BCL11B: variants seen among roughly 807,000 people sequenced by gnomAD.
The protein encoded by BCL11B is B-cell lymphoma/leukemia 11B.
BCL11B carries 8 observed loss-of-function variants against 49.9 expected under a neutral mutation model. The ratio of observed to expected loss-of-function variants is 0.16; its 90% CI spans 0.09 to 0.29. BCL11B has a LOEUF of 0.29. BCL11B is among the 10% of genes least tolerant of loss of function. The pLI is 1.00. For synonymous variants in BCL11B, 739 were observed against 637.4 expected (o/e 1.16, Z -2.40); for missense variants, 1,006 against 1,351.0 (o/e 0.74, Z 4.00).
chr14:99,249,981 G>A (rs1275526762), intron 2 of BCL11B, among the ~76,000 whole-genome samples: 5 of 150,696 alleles, frequency 3.3e-5, no homozygotes, highest in Non-Finnish European at 7.4e-5. Flanking sequence ...ACAAAAATTA[G>A]CCAGGCAGGC....
chr14:99,180,252 CA>C (rs1481257405), intron 3 of BCL11B, among the ~76,000 whole-genome samples: 1 of 152,242 alleles, frequency 6.6e-6, no homozygotes, highest in African/African-American at 2.4e-5. Context: ...ATTTACCCAG[CA>C]ACATCAAACC....
chr14:99,268,356 T>C (rs1191629568), intron 1 of BCL11B, among the ~76,000 whole-genome samples: 2 of 152,108 alleles, frequency 1.3e-5, no homozygotes, highest in Admixed American at 6.5e-5. Context: ...CATCAGTTAT[T>C]TGCAGTTGCA....
intron 3 of BCL11B, among the ~76,000 whole-genome samples, chr14:99,227,780 G>A (rs2139881175): frequency 6.6e-6 from 1 of 152,170 alleles, no homozygotes; most frequent in East Asian, 1.9e-4. Flanking sequence ...ACAGTCTGAG[G>A]CTCTTGACCC....
rs58588797 is a variant in BCL11B, at chr14:99,187,104, T to G, written c.641-10909A>C. Among the ~76,000 whole-genome samples, 598 of 152,302 alleles carry G rather than the reference T, an allele frequency of 3.9e-3. 7 individuals carry two copies. Among genetic ancestry groups the G allele is most frequent in the African/African-American group, 0.014 (575 of 41,560 alleles). ...GCACCCGAGATTTCCCAAAACAGTC[T>G]GTGTTTCAACCGTTCAATTCTTTGG... On this transcript the variant is annotated intron_variant, in intron 3 of 3. Transcript: ENST00000357195.
intron 3 of BCL11B, among the ~76,000 whole-genome samples, chr14:99,199,655 T>C (rs1014680640): frequency 2.4e-5 from 2 of 82,624 alleles, no homozygotes; most frequent in African/African-American, 1.0e-4. Context: ...TGTGTGTGTG[T>C]GTGTGTGTGT....
At chr14:99,222,708 C>A (rs913389208) in intron 3 of BCL11B, among the ~76,000 whole-genome samples, 3 of 152,160 alleles carry the variant, frequency 2.0e-5, no homozygotes, top group African/African-American at 4.8e-5. Flanking sequence ...CCAGAAGACA[C>A]CACATCCACA....
chr14:99,215,394 C>G (rs1887805181), intron 3 of BCL11B, among the ~76,000 whole-genome samples: 1 of 152,246 alleles, frequency 6.6e-6, no homozygotes, highest in Non-Finnish European at 1.5e-5. Context: ...AAAGAAAACG[C>G]AAGCTTGCTT....
intron 2 of BCL11B, among the ~76,000 whole-genome samples, chr14:99,255,382 G>A (rs953310384): frequency 3.4e-5 from 4 of 116,018 alleles, no homozygotes; most frequent in Non-Finnish European, 6.6e-5. Context: ...AGATACTGTA[G>A]GCTGCTGCAG....
Position 99,176,219 on chromosome 14 carries a change from G to A in BCL11B, c.641-24C>T, listed in dbSNP as rs752901129. ...ACCTGGGGAAACACACGGACAGAAA[G>A]GCAGAGACAGCGTGAGAAGCGGCAG... is the stretch of plus-strand genomic sequence containing the variant. On this transcript the variant is annotated intron_variant, in intron 3 of 3. Transcript: ENST00000357195. The A allele has an allele frequency of 4.4e-6, 7 of 1,603,664 alleles. No individual in the cohort carries two copies. In the South Asian group the frequency reaches 4.4e-5, roughly 10 times the overall value.
chr14:99,182,428 C>T (rs3850421), intron 3 of BCL11B, among the ~76,000 whole-genome samples: 92,774 of 152,038 alleles, frequency 0.61, 28,617 homozygotes, highest in East Asian at 0.78. Context: ...AGACACACTC[C>T]GGGCAGGGAT....
At chr14:99,219,466 T>C (rs1372103748) in intron 3 of BCL11B, among the ~76,000 whole-genome samples, 2 of 152,070 alleles carry the variant, frequency 1.3e-5, no homozygotes, top group South Asian at 2.1e-4. Context: ...ACCATCCCGA[T>C]ATACAAAGGA....
chr14:99,251,225 A>G (rs1888999409), intron 2 of BCL11B, among the ~76,000 whole-genome samples: 1 of 152,258 alleles, frequency 6.6e-6, no homozygotes, highest in Non-Finnish European at 1.5e-5. Context: ...GTCACTGAGC[A>G]GGTGAGAAGG....
chr14:99,231,409 CGA>C lies in BCL11B; in HGVS notation c.574_575del (p.Ser192GlyfsTer2). The C allele has an allele frequency of 6.3e-7, 1 of 1,597,440 alleles. No individual in the cohort carries two copies. On this transcript the variant is annotated frameshift_variant, in exon 3 of 4. Coordinates refer to ENST00000357195, the MANE Select transcript of BCL11B (RefSeq NM_138576.4). LOFTEE classifies it high-confidence loss of function. The surrounding 1 kb of genome is among the most constrained non-coding windows in gnomAD (Gnocchi z 8.1). Reference protein sequence around the residue: ...PLPCCSARPVSGDGTQGEGQT... With the variant: ...PLPCCSARPVXGDGTQGEGQT... ...GACCCTCACCCTGAGTCCCGTCACC[CGA>C]GACCGGGCGCGCGCTGCAGCACGGC...
intron 2 of BCL11B, among the ~76,000 whole-genome samples, chr14:99,238,185 G>A (rs1888560534): frequency 6.6e-6 from 1 of 152,004 alleles, no homozygotes; most frequent in Non-Finnish European, 1.5e-5. Flanking sequence ...CCTCCTCTTG[G>A]AGCACTTCCG....
chr14:99,210,260 C>T (rs969960325), intron 3 of BCL11B, among the ~76,000 whole-genome samples: 2 of 152,164 alleles, frequency 1.3e-5, no homozygotes, highest in African/African-American at 4.8e-5. Flanking sequence ...CATCCTATTC[C>T]TTGCAGAAGA....
rs115705363 is a variant in BCL11B, at chr14:99,238,344, G to A, written c.428-6787C>T. ...CCTCTTGCAATTTAGAGGCAGGCACGCTTGGGCACACCCCTTCCCCAGGTC... is the reference window on the plus strand; with the variant it reads ...CCTCTTGCAATTTAGAGGCAGGCACACTTGGGCACACCCCTTCCCCAGGTC... On this transcript the variant is annotated intron_variant, in intron 2 of 3. Transcript: ENST00000357195. Among the ~76,000 whole-genome samples the A allele has an allele frequency of 9.9e-3, 1,500 of 152,256 alleles. 31 individuals are homozygous for A. Among genetic ancestry groups the A allele is most frequent in the African/African-American group, 0.034 (1,426 of 41,554 alleles).
chr14:99,205,960 A>C lies in BCL11B; in HGVS notation c.640+25385T>G, dbSNP rs958246357. Reference sequence around the variant, plus strand: ...GGGTTGGGAGGGGAGTCTTGTGGGAAGGGAGCCTGAAGTACCCCCGATACC... The same window carrying C: ...GGGTTGGGAGGGGAGTCTTGTGGGACGGGAGCCTGAAGTACCCCCGATACC... On this transcript the variant is annotated intron_variant, in intron 3 of 3. Transcript: ENST00000357195. The surrounding 1 kb of genome is among the most constrained non-coding windows in gnomAD (Gnocchi z 5.0). Among the ~76,000 whole-genome samples the C allele has an allele frequency of 3.5e-4, 54 of 152,274 alleles. No homozygotes were observed. The highest frequency in any genetic ancestry group is 1.2e-3 in the African/African-American group (51 of 41,562).
chr14:99,175,608 G>C lies in BCL11B; in HGVS notation c.1228C>G (p.Pro410Ala), dbSNP rs766665959. Residue 410 changes from proline to alanine, a missense_variant, in exon 4 of 4, where the codon CCG becomes GCG. Around this residue, in one of 6 missense-constraint regions of BCL11B, gnomAD observed 97 missense variants for 81.5 expected, o/e 1.19. Coordinates refer to ENST00000357195, the MANE Select transcript of BCL11B (RefSeq NM_138576.4). ...GGCGTGCCGCCAGGGGGCATGGGCG[G>C]CAGCGGCGGCGTGCTCAGGAACGGG... The part of the protein sequence containing the change: ...KSPFLSTPPL[P>A]PMPPGGTPPP... 10 of 1,564,148 alleles carry C rather than the reference G, an allele frequency of 6.4e-6. No individual in the cohort carries two copies. The highest frequency in any genetic ancestry group is 1.4e-5 in the African/African-American group (1 of 72,416).
At position 99,242,352 on chromosome 14, in the gene BCL11B, G is replaced by T. The variant is rs1156743293; in HGVS notation, c.428-10795C>A. Among the ~76,000 whole-genome samples, 2 of 152,188 alleles carry T rather than the reference G, an allele frequency of 1.3e-5. No individual in the cohort carries two copies. Among genetic ancestry groups the T allele is most frequent in the South Asian group, 4.1e-4 (2 of 4,822 alleles). Reference sequence around the variant, plus strand: ...GGTACAGCGACAGGCGGAGAGGCCCGTCAGGTTGGGAGGGTTACGAGTCCA... The same window carrying T: ...GGTACAGCGACAGGCGGAGAGGCCCTTCAGGTTGGGAGGGTTACGAGTCCA... On this transcript the variant is annotated intron_variant, in intron 2 of 3. Transcript: ENST00000357195. This position sits in a 1 kb window ranked among gnomAD's most constrained non-coding sequence, Gnocchi z 4.4.
Sources: gnomAD v4.1 joint callset for allele counts (sites outside exome capture counted in the v4.1 genomes callset) on GRCh38, gnomAD v4.1.1 for gene constraint, gnomAD v4.1.1 regional missense constraint, Gnocchi (gnomAD v3.1) non-coding constraint, MANE v1.5 for transcripts, NCBI Gene and HGNC (gene_info 2026-07-23, HGNC 2026-07-21) for gene names.